Variants in KIZ observed in about 807,000 individuals in gnomAD.
KIZ encodes kizuna centrosomal protein.
KIZ carries 68 observed loss-of-function variants against 79.6 expected under a neutral mutation model. The ratio of observed to expected loss-of-function variants is 0.85; its 90% confidence interval spans 0.70 to 1.05. KIZ has a LOEUF of 1.05. Ranked by LOEUF, KIZ falls within the 50% of genes least tolerant of loss-of-function variation. The probability of loss-of-function intolerance (pLI) is 0.00; values close to 1 mark genes in which losing one functional copy is unlikely to be tolerated. For synonymous variants in KIZ, 280 were observed against 281.8 expected (o/e 0.99, Z 0.06); for missense variants, 797 against 800.4 (o/e 1.00, Z 0.05).
At chr20:21,144,020 AC>A (rs1007996068) in intron 3 of KIZ, 1 of 152,206 alleles carries the variant, frequency 6.6e-6, no homozygotes, top group African/African-American at 2.4e-5. Context: ...AAGAGTATCT[AC>A]AGTTGAGTGA....
intron 2 of KIZ, among the ~76,000 whole-genome samples, chr20:21,134,963 G>A (rs534298741): frequency 2.0e-5 from 3 of 152,164 alleles, no homozygotes; most frequent in Admixed American, 6.5e-5. Context: ...CCCCATGCCC[G>A]ACCCATCTTT....
intron 1 of KIZ, among the ~76,000 whole-genome samples, chr20:21,131,579 C>T (rs560151540): frequency 9.9e-5 from 15 of 152,276 alleles, no homozygotes; most frequent in Admixed American, 6.5e-4. Flanking sequence ...ACCGAAATGC[C>T]AGCGACTCAG....
chr20:21,127,478 A>G (rs756152691), intron 1 of KIZ, among the ~76,000 whole-genome samples: 52 of 152,200 alleles, frequency 3.4e-4, no homozygotes, highest in Non-Finnish European at 5.7e-4. Context: ...CAATAACTGT[A>G]TAATAATTAT....
At chr20:21,142,136 C>T (rs575602581) in intron 3 of KIZ, among the ~76,000 whole-genome samples, 1 of 152,128 alleles carries the variant, frequency 6.6e-6, no homozygotes, top group South Asian at 2.1e-4. Context: ...CTTACATGCA[C>T]CCGCGGTGCT....
chr20:21,192,279 ATTTT>A (rs1260846529), intron 6 of KIZ, among the ~76,000 whole-genome samples: 22 of 91,092 alleles, frequency 2.4e-4, no homozygotes, highest in African/African-American at 8.8e-4. Context: ...TCATTTCTGG[ATTTT>A]TTTTTTTTTT....
rs1018220008 is a variant in KIZ at position 21,175,101 on chromosome 20, A to T, written c.1352+11942A>T. Among the ~76,000 whole-genome samples, 18 of 152,168 alleles carry T rather than the reference A, an allele frequency of 1.2e-4. 1 individual carries two copies. The highest frequency in any genetic ancestry group is 1.2e-3 in the Admixed American group (18 of 15,272). ...TGAGCCTTTTCTTGCCACCACACAG[A>T]TTCTGTCCTTTGTTCCCAAAGTAAG... On this transcript the variant is annotated intron_variant, in intron 6 of 12. Transcript: ENST00000619189.
chr20:21,187,813 TATA>T (rs2122992077), intron 6 of KIZ, among the ~76,000 whole-genome samples: 1 of 152,342 alleles, frequency 6.6e-6, no homozygotes, highest in Non-Finnish European at 1.5e-5. Flanking sequence ...TAGAACTGAT[TATA>T]ATGTCTAGTA....
At chr20:21,150,201 C>T (rs1184286950) in intron 4 of KIZ, among the ~76,000 whole-genome samples, 1 of 147,056 alleles carries the variant, frequency 6.8e-6, no homozygotes, top group African/African-American at 2.7e-5. Flanking sequence ...AACGCTTGGG[C>T]CAAGAGGCAC....
chr20:21,195,127 G>T (rs1330091834), intron 6 of KIZ: 1 of 152,230 alleles, frequency 6.6e-6, no homozygotes, highest in Non-Finnish European at 1.5e-5. Flanking sequence ...AGATCCCTAT[G>T]AGTAAGGTAG....
At chr20:21,199,892 C>G (rs569626375) in intron 6 of KIZ, among the ~76,000 whole-genome samples, 1 of 152,260 alleles carries the variant, frequency 6.6e-6, no homozygotes, top group East Asian at 1.9e-4. Context: ...GATCTTGGCT[C>G]ACTGCAACCT....
At chr20:21,183,721 A>C (rs763069602) in intron 6 of KIZ, among the ~76,000 whole-genome samples, 5 of 152,114 alleles carry the variant, frequency 3.3e-5, no homozygotes, top group Non-Finnish European at 5.9e-5. Flanking sequence ...AACCCTTTTT[A>C]AAGTGTATTT....
At chr20:21,141,937 A>G (rs1222651519) in intron 3 of KIZ, among the ~76,000 whole-genome samples, 1 of 138,128 alleles carries the variant, frequency 7.2e-6, no homozygotes, top group African/African-American at 2.8e-5. Flanking sequence ...TTCTCCTGCC[A>G]TCCCCATTTC....
chr20:21,234,647 C>T (rs936981567), intron 11 of KIZ, among the ~76,000 whole-genome samples: 1 of 151,744 alleles, frequency 6.6e-6, no homozygotes, highest in Non-Finnish European at 1.5e-5. Context: ...TCTCGAAACC[C>T]GGTACTTGAG....
chr20:21,178,144 A>C (rs1269069078), intron 6 of KIZ, among the ~76,000 whole-genome samples: 7 of 152,072 alleles, frequency 4.6e-5, no homozygotes, highest in Non-Finnish European at 8.8e-5. Context: ...TAGCAATTTC[A>C]TAGAATCTGG....
At chr20:21,225,035 T>C (rs2036615899) in intron 9 of KIZ, among the ~76,000 whole-genome samples, 1 of 152,140 alleles carries the variant, frequency 6.6e-6, no homozygotes, top group Admixed American at 6.5e-5. Context: ...TGCAGAAAGA[T>C]AGATGATTGG....
chr20:21,174,316 C>T (rs1408949014), intron 6 of KIZ, among the ~76,000 whole-genome samples: 1 of 152,080 alleles, frequency 6.6e-6, no homozygotes, highest in African/African-American at 2.4e-5. Context: ...AACTGAGGCA[C>T]AGGGAGTTAT....
At chr20:21,246,138 G>A in intron 12 of KIZ, 1 of 246,988 alleles carries the variant, frequency 4.0e-6, no homozygotes, top group Non-Finnish European at 7.7e-6. Context: ...AGCTGAGGTG[G>A]GGCGGCATCA....
chr20:21,166,142 T>G, intron 6 of KIZ: 8 of 948,208 alleles, frequency 8.4e-6, no homozygotes, highest in East Asian at 2.5e-5. Context: ...AATTTTTGTA[T>G]TTTGTATTTT....
chr20:21,158,967 C>CAT (rs201390498), intron 4 of KIZ, among the ~76,000 whole-genome samples: 2,273 of 118,566 alleles, frequency 0.019, 35 homozygotes, highest in Middle Eastern at 0.055. Flanking sequence ...TAGTAAAATA[C>CAT]ATATATATAC....
Sources: allele counts gnomAD v4.1 joint callset (sites outside exome capture counted in the v4.1 genomes callset), GRCh38; gene constraint gnomAD v4.1.1; transcripts MANE v1.5; gene names NCBI Gene and HGNC (gene_info 2026-07-23, HGNC 2026-07-21).